The following OTOG variants were observed in gnomAD, a reference collection of about 807,000 sequenced individuals.
OTOG encodes otogelin.
In OTOG, 296 loss-of-function variants were observed where a neutral mutation model predicts 313.8. The observed-to-expected ratio is 0.94, with a 90% CI of 0.86 to 1.04. The LOEUF is 1.04. Ranked by LOEUF, OTOG falls within the 50% of genes least tolerant of loss-of-function variation. The pLI is 0.00. For synonymous variants in OTOG, 1,533 were observed against 1,554.9 expected, an observed-to-expected ratio of 0.99 and a Z score of 0.33; for missense variants, 3,948 against 3,840.1, an observed-to-expected ratio of 1.03 and a Z score of -0.74.
At chr11:17,633,477 G>A (rs949895514) in intron 42 of OTOG, among the ~76,000 whole-genome samples, 3 of 152,234 alleles carry the variant, frequency 2.0e-5, no homozygotes, top group Non-Finnish European at 4.4e-5. Context: ...ACAGTGGGCT[G>A]GGTTTGGGCT....
chr11:17,573,959 C>G (rs1001018745), intron 19 of OTOG, among the ~76,000 whole-genome samples: 1 of 152,200 alleles, frequency 6.6e-6, no homozygotes, highest in Non-Finnish European at 1.5e-5. Context: ...GGTTCTTAAC[C>G]CTGGCTGCAT....
At chr11:17,588,332 G>A (rs1037477612) in intron 24 of OTOG, among the ~76,000 whole-genome samples, 4 of 152,176 alleles carry the variant, frequency 2.6e-5, no homozygotes, top group African/African-American at 7.2e-5. Flanking sequence ...GATGTGTTGC[G>A]CTGGTGTGAC....
intron 39 of OTOG, among the ~76,000 whole-genome samples, chr11:17,621,354 A>T (rs1853859368): frequency 6.6e-6 from 1 of 152,090 alleles, no homozygotes; most frequent in Non-Finnish European, 1.5e-5. Context: ...CCTACATACC[A>T]ATTCCCTGCT....
intron 42 of OTOG, among the ~76,000 whole-genome samples, chr11:17,632,614 C>T (rs574183559): frequency 6.6e-6 from 1 of 152,090 alleles, no homozygotes. Context: ...ACCTGCCCCA[C>T]GGACACCGTC....
chr11:17,549,780 G>A (rs1851895477), intron 3 of OTOG, among the ~76,000 whole-genome samples: 2 of 152,272 alleles, frequency 1.3e-5, no homozygotes, highest in Admixed American at 1.3e-4. Flanking sequence ...CAGGCAACCT[G>A]GGGAGGTTTC....
chr11:17,578,188 G>C (rs902853673), intron 22 of OTOG, 185 bp from the exon 23 acceptor site: 1 of 1,315,744 alleles, frequency 7.6e-7, no homozygotes, highest in Non-Finnish European at 9.7e-7. Flanking sequence ...TTGTGTGACA[G>C]ACAGCACACA....
Position 17,609,986 on chromosome 11 carries a change from C to T in OTOG, c.4686C>T (p.Pro1562=), listed in dbSNP as rs1853485484. 6.5e-7 allele frequency: 1 copy of T among 1,543,862 alleles called. No homozygotes were observed. Among genetic ancestry groups the T allele is most frequent in the Admixed American group, 2.0e-5 (1 of 50,686 alleles). Residue 1562 remains proline (P), a synonymous_variant, in exon 36 of 56, where the codon CCC becomes CCT. Transcript: ENST00000399397. ...KGVTASLLAI[P]HTPESSSLPV... is the part of the protein sequence containing the mutation. ...TGACTGCCAGCCTCCTGGCCATCCC[C>T]CATACACCAGAGTCCTCATCCCTCC...
intron 11 of OTOG, 45 bp downstream of exon 11, chr11:17,559,206 G>A (rs1852124271): frequency 3.6e-6 from 5 of 1,393,902 alleles, no homozygotes; most frequent in Middle Eastern, 2.1e-4. Flanking sequence ...TCAGGCTGTG[G>A]GTGGCATTCT....
intron 3 of OTOG, among the ~76,000 whole-genome samples, chr11:17,549,165 G>A (rs971326908): frequency 9.2e-5 from 14 of 152,194 alleles, no homozygotes; most frequent in South Asian, 2.1e-4. Flanking sequence ...ATCCTGGCCC[G>A]CATTTGTCTC....
At position 17,557,962 on chromosome 11, in the gene OTOG, G is replaced by C. The variant is rs538763286; in HGVS notation, c.866-223G>C. Among the ~76,000 whole-genome samples, 5 of 152,274 alleles carry C rather than the reference G, an allele frequency of 3.3e-5. No homozygotes were observed. In the East Asian group the frequency reaches 5.8e-4, roughly 18 times the overall value. On this transcript the variant is annotated intron_variant, in intron 8 of 55. Transcript: ENST00000399397. ...CATCCCCTGAGTTTGGAGCCATAGG[G>C]AGCTACTACAGGTTCCTGAGCATTC...
chr11:17,572,542 C>A lies in OTOG; in HGVS notation c.2080+338C>A, dbSNP rs189078311. Among the ~76,000 whole-genome samples, 11 of 152,312 alleles carry A rather than the reference C, an allele frequency of 7.2e-5. No homozygotes were observed. The South Asian group carries it at 1.9e-3, about 26-fold the overall frequency. ...TACTCTCACCGCCCTCTGCTCTGCC[C>A]CAGCTGCCCTGGCCTCCTTGTTCTT... is the stretch of plus-strand genomic sequence containing the variant. On this transcript the variant is annotated intron_variant, in intron 18 of 55. Coordinates refer to ENST00000399397, the MANE Select transcript of OTOG (RefSeq NM_001292063.2).
rs77824774 is a variant in OTOG at position 17,641,679 on chromosome 11, T to C, written c.8191-168T>C. On this transcript the variant is annotated intron_variant, in intron 51 of 55. Transcript: ENST00000399397. ...TGCTGTAAGGGAGGCTCAGGGTAGA[T>C]ACAGGGATGATTAGCTGCCTGTGAC... Among the ~76,000 whole-genome samples the C allele has an allele frequency of 0.027, 4,105 of 152,166 alleles. 189 individuals carry two copies. Among genetic ancestry groups the C allele is most frequent in the African/African-American group, 0.093 (3,877 of 41,480 alleles).
chr11:17,618,707 T>A (rs1218970187), intron 39 of OTOG, among the ~76,000 whole-genome samples: 1 of 152,250 alleles, frequency 6.6e-6, no homozygotes, highest in Admixed American at 6.5e-5. Flanking sequence ...TCAGTTTTTT[T>A]ATTCACATAT....
chr11:17,574,178 G>C lies in OTOG; in HGVS notation c.2294-542G>C, dbSNP rs575978063. The stretch of plus-strand genomic sequence containing the variant: ...TCCCACAGAGTGTAGGAGACTCTGG[G>C]GGGAGTGGGATGCTGGCCACACAAG... On this transcript the variant is annotated intron_variant, in intron 19 of 55. Coordinates refer to ENST00000399397, the MANE Select transcript of OTOG (RefSeq NM_001292063.2). Among the ~76,000 whole-genome samples, 14 of 152,302 alleles carry C rather than the reference G, an allele frequency of 9.2e-5. No individual in the cohort carries two copies. In the South Asian group the frequency reaches 2.7e-3, roughly 29 times the overall value.
chr11:17,558,768 T>C, intron 10 of OTOG, 124 bp downstream of exon 10: 2 of 1,084,500 alleles, frequency 1.8e-6, no homozygotes, highest in Non-Finnish European at 2.7e-6. Context: ...TCTGAAATTC[T>C]TATCTGCCTA....
In OTOG at chr11:17,547,975, C is replaced by A. The variant is rs961916581; in HGVS notation, c.143C>A (p.Ala48Asp). 3 of 594,212 alleles carry A rather than the reference C, an allele frequency of 5.0e-6. No homozygotes were observed. Among genetic ancestry groups the A allele is most frequent in the Non-Finnish European group, 2.7e-6 (1 of 366,156 alleles). The allele number at this position is 594,212 out of a possible 1,614,324, so 36.8% of individuals were successfully genotyped here. Residue 48 changes from alanine to aspartate, a missense_variant, in exon 2 of 56, where the codon GCC (alanine) becomes GAC (aspartate). Transcript: ENST00000399397. ...WGSAEPQPEP[A>D]GQPSSSHQEA... ...AGTGCAGAGCCACAGCCAGAGCCAGCCGGGCAACCCAGGTGAGTAGGTGTG... is the reference window on the plus strand; with the variant it reads ...AGTGCAGAGCCACAGCCAGAGCCAGACGGGCAACCCAGGTGAGTAGGTGTG...
At chr11:17,616,316 C>G (rs527513731) in intron 39 of OTOG, among the ~76,000 whole-genome samples, 1 of 152,212 alleles carries the variant, frequency 6.6e-6, no homozygotes, top group Non-Finnish European at 1.5e-5. Context: ...CTCAGCCTCC[C>G]AAAGTGCTAG....
At chr11:17,634,346 A>G (rs1854207901) in intron 44 of OTOG, 65 bp downstream of exon 44, 2 of 1,475,302 alleles carry the variant, frequency 1.4e-6, no homozygotes, top group African/African-American at 1.4e-5. Context: ...CCAGCCCTGC[A>G]CACCAACCCT....
At position 17,555,841 on chromosome 11, in the gene OTOG, C is replaced by A. The variant is rs1279178655; in HGVS notation, c.603C>A (p.Phe201Leu). 1 of 1,550,874 alleles carries A rather than the reference C, an allele frequency of 6.4e-7. No individual in the cohort carries two copies. The highest frequency in any genetic ancestry group is 2.4e-5 in the East Asian group (1 of 40,926). ...CCTGCTCCAGGGCTGTCAGCCTCTT[C>A]TTTGTGGGTGAGCAGGAGATCCATC... ...PYTCSRAVSLFFVGEQEIHLA... is the reference protein window; with the variant it reads ...PYTCSRAVSLLFVGEQEIHLA... The change falls in exon 7 of 56, where the codon TTC (phenylalanine) becomes TTA (leucine). Residue 201 changes from phenylalanine (F) to leucine (L), a missense_variant. By Grantham distance (22) the Phe-to-Leu change is conservative (BLOSUM62 0). Coordinates refer to ENST00000399397, the MANE Select transcript of OTOG (RefSeq NM_001292063.2).
Sources: gnomAD v4.1 joint callset for allele counts (sites outside exome capture counted in the v4.1 genomes callset) on GRCh38, gnomAD v4.1.1 for gene constraint, MANE v1.5 for transcripts, NCBI Gene and HGNC (gene_info 2026-07-23, HGNC 2026-07-21) for gene names.